ASIC2: variants seen among roughly 807,000 people sequenced by gnomAD.
ASIC2 encodes the protein acid sensing ion channel subunit 2.
ASIC2 carries 25 observed loss-of-function variants against 57.3 expected under a neutral mutation model. The ratio of observed to expected loss-of-function variants is 0.44; its 90% confidence interval spans 0.32 to 0.61. The LOEUF is 0.61. Ranked by LOEUF, ASIC2 falls within the 20% of genes least tolerant of loss-of-function variation. The pLI is 0.06. For synonymous variants in ASIC2, 319 were observed against 307.5 expected, an observed-to-expected ratio of 1.04 and a Z score of -0.39; for missense variants, 641 against 738.1, an observed-to-expected ratio of 0.87 and a Z score of 1.52.
At chr17:33,319,756 A>T (rs1224855911) in intron 1 of ASIC2, among the ~76,000 whole-genome samples, 1 of 152,036 alleles carries the variant, frequency 6.6e-6, no homozygotes, top group Non-Finnish European at 1.5e-5. Context: ...CTAGTCTTGA[A>T]CTTCTGGGCT....
At chr17:33,817,633 C>G (rs980401129) in intron 1 of ASIC2, among the ~76,000 whole-genome samples, 1 of 152,184 alleles carries the variant, frequency 6.6e-6, no homozygotes, top group Non-Finnish European at 1.5e-5. Context: ...TGTCCTCTGT[C>G]AAATGGTTGC....
chr17:33,365,239 C>T (rs189742488), intron 1 of ASIC2, among the ~76,000 whole-genome samples: 2 of 152,302 alleles, frequency 1.3e-5, no homozygotes, highest in East Asian at 3.9e-4. Context: ...TGGCTATTTC[C>T]CTGACACTCT....
At chr17:33,943,081 A>G (rs1200654532) in intron 1 of ASIC2, among the ~76,000 whole-genome samples, 1 of 152,250 alleles carries the variant, frequency 6.6e-6, no homozygotes, top group Non-Finnish European at 1.5e-5. Flanking sequence ...TATATGTGAA[A>G]GCTAAGGCCC....
chr17:33,555,213 C>T (rs990191783), intron 1 of ASIC2, among the ~76,000 whole-genome samples: 3 of 152,118 alleles, frequency 2.0e-5, no homozygotes. Flanking sequence ...CCTGTAGTGC[C>T]CTCCTAGCTA....
intron 3 of ASIC2, among the ~76,000 whole-genome samples, chr17:33,069,399 G>A (rs1335498206): frequency 6.6e-6 from 1 of 152,132 alleles, no homozygotes; most frequent in East Asian, 1.9e-4. Context: ...CTGGTTTTCT[G>A]TCTACTTGTC....
At chr17:34,073,905 C>T (rs1567809811) in intron 1 of ASIC2, among the ~76,000 whole-genome samples, 3 of 152,104 alleles carry the variant, frequency 2.0e-5, no homozygotes, top group Admixed American at 6.5e-5. Context: ...TCAGCCAGCT[C>T]CCTGGGCTGA....
chr17:33,472,628 C>T (rs1913092742), intron 1 of ASIC2, among the ~76,000 whole-genome samples: 1 of 152,118 alleles, frequency 6.6e-6, no homozygotes, highest in Non-Finnish European at 1.5e-5. Context: ...CATGGGTGAT[C>T]CAGACAGGCT....
intron 1 of ASIC2, among the ~76,000 whole-genome samples, chr17:33,239,210 G>A (rs945825497): frequency 1.1e-4 from 17 of 152,006 alleles, no homozygotes; most frequent in African/African-American, 4.1e-4. Flanking sequence ...ATAATTGCTT[G>A]AACCCGGGAG....
At chr17:33,462,915 G>A (rs538248086) in intron 1 of ASIC2, among the ~76,000 whole-genome samples, 2 of 152,148 alleles carry the variant, frequency 1.3e-5, no homozygotes, top group Non-Finnish European at 1.5e-5. Flanking sequence ...AGAGGTGATG[G>A]AGCTTTGTTC....
chr17:33,988,414 T>C (rs1216298101), intron 1 of ASIC2, among the ~76,000 whole-genome samples: 1 of 152,214 alleles, frequency 6.6e-6, no homozygotes, highest in Non-Finnish European at 1.5e-5. Flanking sequence ...TCTCTCTTTT[T>C]GCCTGCTGCC....
At chr17:34,132,321 G>A (rs1004589529) in intron 1 of ASIC2, among the ~76,000 whole-genome samples, 1 of 152,144 alleles carries the variant, frequency 6.6e-6, no homozygotes, top group Admixed American at 6.5e-5. Flanking sequence ...GCAGCAGCAA[G>A]ATTTATTGTG....
intron 3 of ASIC2, among the ~76,000 whole-genome samples, chr17:33,082,389 G>T (rs1352429939): frequency 4.6e-5 from 7 of 152,114 alleles, no homozygotes; most frequent in Admixed American, 2.0e-4. Flanking sequence ...ATGATGAAAG[G>T]CTTCTGATAT....
intron 1 of ASIC2, among the ~76,000 whole-genome samples, chr17:33,123,876 G>C (rs1464751278): frequency 6.6e-6 from 1 of 152,320 alleles, no homozygotes; most frequent in Middle Eastern, 3.4e-3. Flanking sequence ...GGAGAAGGAA[G>C]AAGAGGGGAT....
At chr17:33,061,770 G>A (rs945531876) in intron 3 of ASIC2, among the ~76,000 whole-genome samples, 2 of 152,136 alleles carry the variant, frequency 1.3e-5, no homozygotes, top group Admixed American at 6.5e-5. Context: ...GGTAGATTTT[G>A]GCTGTGAATC....
At chr17:34,056,674 T>C (rs1387011896) in intron 1 of ASIC2, among the ~76,000 whole-genome samples, 4 of 152,312 alleles carry the variant, frequency 2.6e-5, no homozygotes, top group African/African-American at 9.6e-5. Context: ...ACTGTGCAAA[T>C]ATACAGATTG....
intron 1 of ASIC2, chr17:34,039,823 T>A: frequency 6.2e-7 from 1 of 1,608,664 alleles, no homozygotes; most frequent in South Asian, 1.1e-5. Context: ...AAACCTGGCC[T>A]CCAATAATTT....
At chr17:33,162,346 A>G (rs1905186466) in intron 1 of ASIC2, among the ~76,000 whole-genome samples, 1 of 152,224 alleles carries the variant, frequency 6.6e-6, no homozygotes, top group African/African-American at 2.4e-5. Flanking sequence ...GCCAAAAAGC[A>G]TCGCCACATA....
At chr17:33,289,707 AGGGCTGCG>A (rs1249293065) in intron 1 of ASIC2, among the ~76,000 whole-genome samples, 4 of 152,202 alleles carry the variant, frequency 2.6e-5, no homozygotes, top group Admixed American at 2.6e-4. Context: ...TCATTAACGC[AGGGCTGCG>A]GTGAGTATCA....
At chr17:33,667,147 C>T (rs141342227) in intron 1 of ASIC2, among the ~76,000 whole-genome samples, 3 of 152,158 alleles carry the variant, frequency 2.0e-5, no homozygotes, top group Non-Finnish European at 2.9e-5. Flanking sequence ...AAATCTCAGC[C>T]GGAAACCACC....
Sources: gnomAD v4.1 joint callset for allele counts (sites outside exome capture counted in the v4.1 genomes callset) on GRCh38, gnomAD v4.1.1 for gene constraint, MANE v1.5 for transcripts, NCBI Gene and HGNC (gene_info 2026-07-23, HGNC 2026-07-21) for gene names.